The following MEGF10 variants were observed in gnomAD, a reference collection of about 807,000 sequenced individuals.
MEGF10 encodes the protein multiple epidermal growth factor-like domains protein 10.
A neutral mutation model predicts 147.5 loss-of-function variants in MEGF10; 86 were observed. That is an observed-to-expected ratio of 0.58 (90% CI 0.49 to 0.70). The LOEUF (loss-of-function observed/expected upper bound fraction) is 0.70. MEGF10 is among the 30% of genes least tolerant of loss of function. The probability of loss-of-function intolerance (pLI) is 0.00; values close to 1 mark genes in which losing one functional copy is unlikely to be tolerated. For missense variants in MEGF10, 1,329 were observed against 1,487.3 expected (o/e 0.89, Z 1.75); for synonymous variants, 478 against 525.5 (o/e 0.91, Z 1.24).
At chr5:127,424,257 T>C (rs1765132353) in intron 13 of MEGF10, 2 of 695,462 alleles carry the variant, frequency 2.9e-6, no homozygotes, top group Non-Finnish European at 5.2e-6. Context: ...GCCAGCACCA[T>C]ACAGTTTTGA....
the MEGF10 span, among the ~76,000 whole-genome samples, chr5:127,238,029 CTATATATATA>C: frequency 4.5e-4 from 63 of 139,196 alleles, no homozygotes; most frequent in Admixed American, 1.4e-3. Context: ...AAACTTCAGA[CTATATATATA>C]TATATATATA....
At chr5:127,243,091 A>T in the MEGF10 span, among the ~76,000 whole-genome samples, 9 of 152,334 alleles carry the variant, frequency 5.9e-5, no homozygotes, top group South Asian at 1.9e-3. Flanking sequence ...GTGGTAGCAT[A>T]ATATATATTC....
intron 14 of MEGF10, among the ~76,000 whole-genome samples, 188 bp downstream of exon 14, chr5:127,433,697 C>A (rs1765465086): frequency 6.6e-6 from 1 of 152,222 alleles, no homozygotes; most frequent in Non-Finnish European, 1.5e-5. Flanking sequence ...TTCCAGCCTT[C>A]AGAACTAACC....
At chr5:127,313,836 A>G (rs867035205) in intron 1 of MEGF10, among the ~76,000 whole-genome samples, 3 of 152,334 alleles carry the variant, frequency 2.0e-5, no homozygotes, top group South Asian at 2.1e-4. Flanking sequence ...GGATTATTCA[A>G]TTGCTGAAAA....
rs1267666070 is a variant in MEGF10, at chr5:127,366,771, A to C, written c.320-3139A>C. On this transcript the variant is annotated intron_variant, in intron 4 of 24. Coordinates refer to ENST00000503335, the MANE Select transcript of MEGF10 (RefSeq NM_001256545.2). ...TTTCATAAAACACAAAGTTTGCACTATCAGGAATCACGCATGAGAACATTG... is the reference window on the plus strand; with the variant it reads ...TTTCATAAAACACAAAGTTTGCACTCTCAGGAATCACGCATGAGAACATTG... 7.9e-5 allele frequency among the ~76,000 whole-genome samples: 12 copies of C among 152,354 alleles called. No homozygotes were observed. In the East Asian group the frequency reaches 2.3e-3, roughly 29 times the overall value.
intron 17 of MEGF10, 62 bp downstream of exon 17, chr5:127,438,629 A>C: frequency 6.3e-7 from 1 of 1,578,044 alleles, no homozygotes; most frequent in Non-Finnish European, 8.6e-7. Context: ...AAACAGCCTT[A>C]CCCTCCGCAT....
the MEGF10 span, among the ~76,000 whole-genome samples, chr5:127,246,866 A>G: frequency 6.9e-6 from 1 of 144,188 alleles, no homozygotes; most frequent in African/African-American, 2.5e-5. Flanking sequence ...AAAATAATAT[A>G]TACTATATAA....
the MEGF10 span, among the ~76,000 whole-genome samples, chr5:127,268,284 A>C: frequency 1.3e-5 from 2 of 152,158 alleles, no homozygotes; most frequent in African/African-American, 4.8e-5. Context: ...TCTGAGAGAC[A>C]GTTTGTTATA....
At chr5:127,252,201 A>T in the MEGF10 span, among the ~76,000 whole-genome samples, 6 of 151,704 alleles carry the variant, frequency 4.0e-5, no homozygotes, top group Non-Finnish European at 7.4e-5. Flanking sequence ...TTTGGAGAAA[A>T]TTTTTTTACT....
intron 4 of MEGF10, among the ~76,000 whole-genome samples, chr5:127,365,471 A>G (rs986668034): frequency 6.6e-5 from 10 of 152,228 alleles, no homozygotes; most frequent in Non-Finnish European, 1.3e-4. Context: ...TGGGATTTAA[A>G]TGGATTTAGG....
chr5:127,287,578 A>G (rs1266867289), upstream of MEGF10, among the ~76,000 whole-genome samples: 1 of 152,008 alleles, frequency 6.6e-6, no homozygotes, highest in Admixed American at 6.5e-5. Flanking sequence ...GCTGAGAAAC[A>G]TTAAAGAATA....
chr5:127,312,449 G>C (rs1387799523), intron 1 of MEGF10, among the ~76,000 whole-genome samples: 2 of 152,158 alleles, frequency 1.3e-5, no homozygotes, highest in African/African-American at 4.8e-5. Flanking sequence ...CTGAAGAACT[G>C]TCTCTATTTT....
In MEGF10 at chr5:127,381,951, G is replaced by A. The variant is rs144462176; in HGVS notation, c.412+11949G>A. ...CTCCCAAAGTGTTGGGATTACAGGC[G>A]TGAGCCACCGCACCCAGCCTGTTCT... On this transcript the variant is annotated intron_variant, in intron 5 of 24. Coordinates refer to ENST00000503335, the MANE Select transcript of MEGF10 (RefSeq NM_001256545.2). 2.7e-3 allele frequency among the ~76,000 whole-genome samples: 413 copies of A among 152,318 alleles called. 1 individual carries two copies. Among genetic ancestry groups the A allele is most frequent in the African/African-American group, 9.1e-3 (380 of 41,576 alleles).
intron 11 of MEGF10, 129 bp downstream of exon 11, chr5:127,419,369 C>A: frequency 8.9e-7 from 1 of 1,118,970 alleles, no homozygotes; most frequent in South Asian, 1.6e-5. Context: ...CCTCCGCAAG[C>A]CCCTCATCCA....
chr5:127,390,826 A>C (rs1763621799), intron 5 of MEGF10, among the ~76,000 whole-genome samples: 1 of 152,064 alleles, frequency 6.6e-6, no homozygotes, highest in African/African-American at 2.4e-5. Flanking sequence ...GTGGTTTAGA[A>C]CACGGACTCT....
At chr5:127,379,219 G>A (rs4527658) in intron 5 of MEGF10, among the ~76,000 whole-genome samples, 58 of 152,100 alleles carry the variant, frequency 3.8e-4, no homozygotes, top group Non-Finnish European at 7.1e-4. Flanking sequence ...TGGTGATCGC[G>A]GTAGTCTCTT....
In MEGF10 at chr5:127,292,248, C is replaced by A. The variant is rs538892379; in HGVS notation, c.-19+1192C>A. On this transcript the variant is annotated intron_variant, in intron 1 of 24. Transcript: ENST00000503335. The stretch of plus-strand genomic sequence containing the variant: ...CTGGGTTCAGCTCACAACTCTGCCA[C>A]TTTTCAGTTCTGTGATTTTGGGGTA... Among the ~76,000 whole-genome samples the A allele has an allele frequency of 9.2e-5, 14 of 152,286 alleles. No individual in the cohort carries two copies. In the South Asian group the frequency reaches 2.9e-3, roughly 32 times the overall value.
chr5:127,420,739 C>A (rs1020970923), intron 12 of MEGF10, among the ~76,000 whole-genome samples: 3 of 152,226 alleles, frequency 2.0e-5, no homozygotes, highest in African/African-American at 7.2e-5. Context: ...CCTTGACCTA[C>A]TTTGGAGATA....
At chr5:127,249,641 T>C in the MEGF10 span, among the ~76,000 whole-genome samples, 1 of 152,236 alleles carries the variant, frequency 6.6e-6, no homozygotes, top group South Asian at 2.1e-4. Flanking sequence ...AACTAAAAGC[T>C]GTCTGTAAGA....
Sources: allele counts gnomAD v4.1 joint callset (sites outside exome capture counted in the v4.1 genomes callset), GRCh38; gene constraint gnomAD v4.1.1; transcripts MANE v1.5; gene names NCBI Gene and HGNC (gene_info 2026-07-23, HGNC 2026-07-21).